CDH13: variants seen among roughly 807,000 people sequenced by gnomAD.
CDH13 encodes the protein cadherin 13, also known as cadherin-13.
CDH13 carries 24 observed loss-of-function variants against 63.8 expected under a neutral mutation model. The observed-to-expected ratio is 0.38, with a 90% CI of 0.27 to 0.53. The LOEUF is 0.53. Among genes scored for constraint, CDH13 ranks in the 20% least tolerant of loss-of-function variants. CDH13 has a pLI of 0.85. For synonymous variants in CDH13, 503 were observed against 355.3 expected (o/e 1.42, Z -4.67); for missense variants, 1,049 against 903.1 (o/e 1.16, Z -2.07).
intron 6 of CDH13, among the ~76,000 whole-genome samples, chr16:83,346,858 C>A (rs1480382871): frequency 6.6e-6 from 1 of 152,110 alleles, no homozygotes; most frequent in Non-Finnish European, 1.5e-5. Flanking sequence ...CAGAGTTATT[C>A]AGTTAGAGAC....
intron 3 of CDH13, among the ~76,000 whole-genome samples, chr16:83,070,477 A>C (rs193066462): frequency 1.9e-4 from 29 of 152,296 alleles, no homozygotes; most frequent in African/African-American, 6.7e-4. Flanking sequence ...TGAGTGTTTT[A>C]CTGTTGATGT....
chr16:83,201,808 T>G (rs1026888609), intron 4 of CDH13, among the ~76,000 whole-genome samples: 3 of 151,092 alleles, frequency 2.0e-5, no homozygotes, highest in African/African-American at 4.9e-5. Context: ...TCCCAGCTAC[T>G]TGGGAGGCTG....
At chr16:82,932,122 A>G (rs1040327501) in intron 2 of CDH13, among the ~76,000 whole-genome samples, 2 of 152,298 alleles carry the variant, frequency 1.3e-5, no homozygotes, top group South Asian at 4.1e-4. Context: ...AATCACTCAC[A>G]GAAGTCATTC....
intron 2 of CDH13, among the ~76,000 whole-genome samples, chr16:82,890,494 G>A (rs1033386564): frequency 1.3e-5 from 2 of 152,174 alleles, no homozygotes; most frequent in African/African-American, 4.8e-5. Context: ...TCTCATTGGT[G>A]TCAGCTATGG....
intron 7 of CDH13, among the ~76,000 whole-genome samples, chr16:83,539,724 A>G (rs754858721): frequency 4.0e-4 from 61 of 152,232 alleles, no homozygotes; most frequent in Non-Finnish European, 6.6e-4. Context: ...CATTTCATAG[A>G]TGAAGCAATT....
chr16:83,654,866 G>C (rs577071687), intron 8 of CDH13: 48 of 152,324 alleles, frequency 3.2e-4, no homozygotes, highest in African/African-American at 1.1e-3. Context: ...AGCATCTCCA[G>C]GTGGCTCAAA....
At chr16:82,931,927 G>A (rs1291485369) in intron 2 of CDH13, among the ~76,000 whole-genome samples, 1 of 152,268 alleles carries the variant, frequency 6.6e-6, no homozygotes, top group South Asian at 2.1e-4. Flanking sequence ...CACCTTACAA[G>A]TTCCATGTCT....
intron 8 of CDH13, among the ~76,000 whole-genome samples, chr16:83,606,317 C>T (rs1476450157): frequency 1.3e-5 from 2 of 152,034 alleles, no homozygotes; most frequent in East Asian, 1.9e-4. Context: ...TTTCCCTCTC[C>T]GGAGAGATGT....
chr16:83,500,886 C>T (rs1229792034), intron 7 of CDH13, among the ~76,000 whole-genome samples: 2 of 151,990 alleles, frequency 1.3e-5, no homozygotes, highest in Non-Finnish European at 2.9e-5. Context: ...GGCCTAGAGA[C>T]TGGTTTCTAT....
Position 83,032,139 on chromosome 16 carries a change from T to C in CDH13, c.287T>C (p.Val96Ala), listed in dbSNP as rs1247159925. ...ACTGCAGTGGGCAAAACTCTGTTCG[T>C]CCATGCACGGACCCCCCATGCGGAA... The part of the protein sequence containing the change: ...NITAVGKTLF[V>A]HARTPHAEDM... The change falls in exon 3 of 14, where the codon GTC becomes GCC. Residue 96 changes from valine (V) to alanine (A), a missense_variant. Transcript: ENST00000567109. 1 of 1,613,666 alleles carries C rather than the reference T, an allele frequency of 6.2e-7. No individual in the cohort carries two copies. The highest frequency in any genetic ancestry group is 1.7e-5 in the Admixed American group (1 of 60,008).
At chr16:82,799,348 A>T (rs192583587) in intron 1 of CDH13, among the ~76,000 whole-genome samples, 30 of 152,302 alleles carry the variant, frequency 2.0e-4, no homozygotes, top group African/African-American at 7.0e-4. Context: ...CCCAATCCCC[A>T]CTTGGACTAC....
At chr16:83,272,466 G>T (rs148848605) in intron 5 of CDH13, among the ~76,000 whole-genome samples, 33 of 152,220 alleles carry the variant, frequency 2.2e-4, no homozygotes, top group African/African-American at 7.2e-4. Context: ...AATACCACAC[G>T]GGTATTTTCC....
chr16:82,732,883 C>G (rs1187931842), intron 1 of CDH13, among the ~76,000 whole-genome samples: 1 of 152,142 alleles, frequency 6.6e-6, no homozygotes, highest in African/African-American at 2.4e-5. Flanking sequence ...GAGGAAGAGT[C>G]TGATGGGGAA....
intron 1 of CDH13, among the ~76,000 whole-genome samples, chr16:82,773,071 G>A (rs1160827161): frequency 6.6e-6 from 1 of 152,198 alleles, no homozygotes; most frequent in East Asian, 1.9e-4. Context: ...CTCATCGAGG[G>A]ATGGAAGTCT....
intron 2 of CDH13, among the ~76,000 whole-genome samples, chr16:82,906,028 A>T (rs905148953): frequency 6.6e-5 from 10 of 152,332 alleles, no homozygotes; most frequent in Admixed American, 5.9e-4. Flanking sequence ...ATGAATATAT[A>T]CATGCATATT....
intron 2 of CDH13, among the ~76,000 whole-genome samples, chr16:82,906,585 T>C (rs1310575901): frequency 6.6e-6 from 1 of 152,184 alleles, no homozygotes; most frequent in Non-Finnish European, 1.5e-5. Flanking sequence ...TGAAAATGTC[T>C]AGTGCACATT....
At chr16:83,141,238 A>C (rs748160245) in intron 4 of CDH13, among the ~76,000 whole-genome samples, 63 of 152,184 alleles carry the variant, frequency 4.1e-4, no homozygotes, top group Non-Finnish European at 8.2e-4. Flanking sequence ...TTCTGGGATC[A>C]CAAGATGGGA....
chr16:83,604,714 TA>T (rs1376679881), intron 8 of CDH13, among the ~76,000 whole-genome samples: 1 of 152,150 alleles, frequency 6.6e-6, no homozygotes, highest in African/African-American at 2.4e-5. Flanking sequence ...TATTTCAAAA[TA>T]AAAACTCAGA....
intron 5 of CDH13, among the ~76,000 whole-genome samples, chr16:83,289,673 C>T (rs1279769864): frequency 5.3e-5 from 8 of 152,118 alleles, no homozygotes; most frequent in Non-Finnish European, 1.2e-4. Flanking sequence ...TGGGGACAGT[C>T]TAGCTGGACC....
Sources: allele counts gnomAD v4.1 joint callset (sites outside exome capture counted in the v4.1 genomes callset), GRCh38; gene constraint gnomAD v4.1.1; transcripts MANE v1.5; gene names NCBI Gene and HGNC (gene_info 2026-07-23, HGNC 2026-07-21).